Variants in PIWIL4 observed in about 807,000 individuals in gnomAD.
PIWIL4 encodes piwi-like protein 4.
In PIWIL4, 50 loss-of-function variants were observed where a neutral mutation model predicts 100.9. The ratio of observed to expected loss-of-function variants is 0.50; its 90% CI spans 0.39 to 0.63. PIWIL4 has a LOEUF of 0.63. PIWIL4 is among the 20% of genes least tolerant of loss of function. The probability of loss-of-function intolerance (pLI) is 0.00; values close to 1 mark genes in which losing one functional copy is unlikely to be tolerated. For synonymous variants in PIWIL4, 342 were observed against 367.5 expected (o/e 0.93, Z 0.79); for missense variants, 887 against 1,043.3 (o/e 0.85, Z 2.06).
intron 12 of PIWIL4, among the ~76,000 whole-genome samples, chr11:94,602,425 T>C (rs1948655358): frequency 6.6e-6 from 1 of 152,226 alleles, no homozygotes; most frequent in African/African-American, 2.4e-5. Context: ...TCAAATAAGC[T>C]TTTCTGATTC....
chr11:94,611,863 G>A (rs562097886), intron 15 of PIWIL4, among the ~76,000 whole-genome samples: 106 of 152,092 alleles, frequency 7.0e-4, no homozygotes, highest in South Asian at 2.1e-4. Context: ...AAGACCATGC[G>A]TCAAATAAAC....
chr11:94,614,714 C>A (rs1948827196), intron 15 of PIWIL4, among the ~76,000 whole-genome samples: 2 of 152,152 alleles, frequency 1.3e-5, no homozygotes, highest in Admixed American at 1.3e-4. Context: ...GAGAGAAAAA[C>A]CTTTAACAGT....
At position 94,587,134 on chromosome 11, in the gene PIWIL4, C is replaced by T. The variant is rs145516372; in HGVS notation, c.801C>T (p.Val267=). 1.3e-3 allele frequency: 2,073 copies of T among 1,613,982 alleles called. 24 individuals are homozygous for T. In the African/African-American group the frequency reaches 0.023, roughly 18 times the overall value. Residue 267 remains valine, a synonymous_variant, in exon 7 of 20, where the codon GTC becomes GTT. Transcript: ENST00000299001. ...LLFSADVSYK[V]LRNETVLEFM... ...TTAGTGCTGATGTGAGTTACAAAGT[C>T]CTCCGGAATGAGACGGTTCTGGAAT... is the stretch of plus-strand genomic sequence containing the variant.
At chr11:94,596,135 CA>C (rs1293861738) in intron 10 of PIWIL4, among the ~76,000 whole-genome samples, 3 of 151,700 alleles carry the variant, frequency 2.0e-5, no homozygotes, top group Non-Finnish European at 4.4e-5. Flanking sequence ...TCACACTTGT[CA>C]TTTTTTTACT....
chr11:94,607,772 C>A, intron 14 of PIWIL4, 133 bp downstream of exon 14: 1 of 925,292 alleles, frequency 1.1e-6, no homozygotes, highest in Non-Finnish European at 1.6e-6. Flanking sequence ...TGGGTTCTGG[C>A]ATTCCATAAG....
intron 4 of PIWIL4, among the ~76,000 whole-genome samples, chr11:94,580,003 C>T (rs185611365): frequency 3.0e-4 from 45 of 152,254 alleles, no homozygotes; most frequent in African/African-American, 7.9e-4. Flanking sequence ...AGACCGTATA[C>T]GCTACAAATG....
intron 4 of PIWIL4, among the ~76,000 whole-genome samples, chr11:94,582,508 A>C (rs544703927): frequency 6.6e-6 from 1 of 152,368 alleles, no homozygotes; most frequent in African/African-American, 2.4e-5. Flanking sequence ...TGTAGAAAGT[A>C]GAGGCAGAAT....
chr11:94,588,665 G>A (rs546292169), intron 7 of PIWIL4, among the ~76,000 whole-genome samples: 16 of 152,304 alleles, frequency 1.1e-4, no homozygotes, highest in Admixed American at 9.2e-4. Context: ...GCCAGCCCTA[G>A]CGGGTAGGTT....
intron 15 of PIWIL4, among the ~76,000 whole-genome samples, chr11:94,615,618 G>A (rs1948837443): frequency 1.3e-5 from 2 of 151,942 alleles, no homozygotes; most frequent in Admixed American, 1.3e-4. Context: ...TTTTGTTGTT[G>A]TTTTTTACAA....
chr11:94,580,668 T>C (rs1336857011), intron 4 of PIWIL4, among the ~76,000 whole-genome samples: 1 of 152,192 alleles, frequency 6.6e-6, no homozygotes, highest in East Asian at 1.9e-4. Context: ...CTATGTAAGG[T>C]AGAATGAAAT....
intron 11 of PIWIL4, among the ~76,000 whole-genome samples, chr11:94,600,235 C>T (rs940731743): frequency 2.6e-5 from 4 of 152,136 alleles, no homozygotes; most frequent in African/African-American, 9.7e-5. Context: ...TCTAAGCATA[C>T]CTACTCCTAG....
At chr11:94,574,579 T>C (rs1434164775) in intron 2 of PIWIL4, among the ~76,000 whole-genome samples, 1 of 152,188 alleles carries the variant, frequency 6.6e-6, no homozygotes, top group Non-Finnish European at 1.5e-5. Flanking sequence ...GGCTCACTGC[T>C]ACCCCCACCT....
At chr11:94,568,397 A>G (rs952995577) in intron 1 of PIWIL4, among the ~76,000 whole-genome samples, 1 of 152,120 alleles carries the variant, frequency 6.6e-6, no homozygotes, top group African/African-American at 2.4e-5. Flanking sequence ...TCCGTGGGCT[A>G]TGGAAGCATG....
At chr11:94,585,557 AATT>A (rs1565273386) in intron 6 of PIWIL4, 32 bp downstream of exon 6, 1 of 1,485,316 alleles carries the variant, frequency 6.7e-7, no homozygotes, top group East Asian at 2.3e-5. Flanking sequence ...GTTACTCCGA[AATT>A]ATTATAATGT....
At chr11:94,594,466 C>CAAAAAAAAA (rs1565276822) in intron 9 of PIWIL4, among the ~76,000 whole-genome samples, 4 of 148,830 alleles carry the variant, frequency 2.7e-5, no homozygotes, top group African/African-American at 7.5e-5. Flanking sequence ...ACTCTGTCTC[C>CAAAAAAAAA]AAAAAAAAAG....
chr11:94,597,096 T>A (rs1307109688), intron 10 of PIWIL4, among the ~76,000 whole-genome samples: 2 of 152,224 alleles, frequency 1.3e-5, no homozygotes, highest in East Asian at 3.8e-4. Context: ...CAACTATGAT[T>A]AAAGCTTATT....
intron 4 of PIWIL4, among the ~76,000 whole-genome samples, chr11:94,579,120 T>C (rs535381915): frequency 1.3e-5 from 2 of 152,388 alleles, no homozygotes; most frequent in East Asian, 3.9e-4. Flanking sequence ...GAACTTTAAA[T>C]TAATTCTACC....
chr11:94,581,996 TTG>T (rs1948325994), intron 4 of PIWIL4, among the ~76,000 whole-genome samples: 1 of 150,882 alleles, frequency 6.6e-6, no homozygotes, highest in African/African-American at 2.4e-5. Flanking sequence ...TCTGATTAGA[TTG>T]TGAATTGAGG....
chr11:94,608,564 G>A lies in PIWIL4; in HGVS notation c.1840-19G>A. The A allele has an allele frequency of 6.3e-7, 1 of 1,597,270 alleles. No homozygotes were observed. The highest frequency in any genetic ancestry group is 8.6e-7 in the Non-Finnish European group (1 of 1,165,138). The stretch of plus-strand genomic sequence containing the variant: ...ATGATACCTCATCCCATTAAATCAT[G>A]ACAAATTTAATTTTATAGTTAAAGT... On this transcript the variant is annotated intron_variant, in intron 14 of 19. Transcript: ENST00000299001.
Sources: gnomAD v4.1 joint callset for allele counts (sites outside exome capture counted in the v4.1 genomes callset) on GRCh38, gnomAD v4.1.1 for gene constraint, MANE v1.5 for transcripts, NCBI Gene and HGNC (gene_info 2026-07-23, HGNC 2026-07-21) for gene names.